HIVEP3: variants seen among roughly 807,000 people sequenced by gnomAD.
HIVEP3 encodes the protein transcription factor HIVEP3.
Under a neutral mutation model 152.8 loss-of-function variants are expected in HIVEP3, and 49 were observed. The observed-to-expected ratio is 0.32, with a 90% CI of 0.26 to 0.41. HIVEP3 has a LOEUF of 0.41. Among genes scored for constraint, HIVEP3 ranks in the 10% least tolerant of loss-of-function variants. The pLI, the probability that HIVEP3 is intolerant of heterozygous loss-of-function variation, is 1.00. For missense variants in HIVEP3, 2,790 were observed against 3,103.3 expected (o/e 0.90, Z 2.40); for synonymous variants, 1,269 against 1,289.0 (o/e 0.98, Z 0.33).
intron 1 of HIVEP3, among the ~76,000 whole-genome samples, chr1:42,016,715 G>A (rs1311578284): frequency 6.6e-6 from 1 of 152,028 alleles, no homozygotes. Flanking sequence ...AGTATCTCCT[G>A]GCCATATGAC....
intron 1 of HIVEP3, among the ~76,000 whole-genome samples, chr1:41,788,753 T>A (rs988033255): frequency 6.6e-6 from 1 of 152,188 alleles, no homozygotes; most frequent in Non-Finnish European, 1.5e-5. Flanking sequence ...GAATGCTTAA[T>A]GGAATAAGGA....
At chr1:41,730,017 C>T (rs1474097742) in intron 1 of HIVEP3, among the ~76,000 whole-genome samples, 4 of 152,204 alleles carry the variant, frequency 2.6e-5, no homozygotes, top group Admixed American at 6.5e-5. Flanking sequence ...GAAAGTGAGT[C>T]GGCCAAGGTC....
intron 2 of HIVEP3, among the ~76,000 whole-genome samples, chr1:41,633,670 C>T (rs1273201906): frequency 6.6e-6 from 1 of 152,156 alleles, no homozygotes; most frequent in Non-Finnish European, 1.5e-5. Context: ...CTCTGAATCC[C>T]TTGCCTGGCC....
chr1:41,943,994 G>A (rs1645061188), intron 1 of HIVEP3, among the ~76,000 whole-genome samples: 1 of 152,196 alleles, frequency 6.6e-6, no homozygotes, highest in African/African-American at 2.4e-5. Flanking sequence ...TAAAGACAGT[G>A]TGCTGAGTTA....
chr1:41,661,439 G>A (rs1237463426), intron 2 of HIVEP3, among the ~76,000 whole-genome samples: 1 of 152,224 alleles, frequency 6.6e-6, no homozygotes, highest in Admixed American at 6.5e-5. Flanking sequence ...TGGAGTAGAA[G>A]CCGCTCTGGA....
At chr1:41,897,360 G>A (rs914534920) in intron 1 of HIVEP3, among the ~76,000 whole-genome samples, 1 of 152,194 alleles carries the variant, frequency 6.6e-6, no homozygotes, top group African/African-American at 2.4e-5. Context: ...CCTAATACCA[G>A]TGTGATAGAA....
chr1:41,776,708 T>C (rs1192238418), intron 1 of HIVEP3, among the ~76,000 whole-genome samples: 1 of 152,236 alleles, frequency 6.6e-6, no homozygotes, highest in Non-Finnish European at 1.5e-5. Context: ...AGAAGGTGTT[T>C]CCCTCTCCAT....
Position 41,510,848 on chromosome 1 carries a change from G to A in HIVEP3, c.6824C>T (p.Pro2275Leu). 3.1e-6 allele frequency: 5 copies of A among 1,613,236 alleles called. No individual in the cohort carries two copies. Among genetic ancestry groups the A allele is most frequent in the Non-Finnish European group, 4.2e-6 (5 of 1,179,866 alleles). ...LSSELEGGDY[P>L]KERERTGGGP... The stretch of plus-strand genomic sequence containing the variant: ...TCCGCCGGTCCTCTCCCTCTCCTTG[G>A]GGTAGTCCCCGCCCTCCAGCTCTGA... The change falls in exon 9 of 9, where the codon CCC (proline) becomes CTC (leucine). Residue 2275 changes from proline to leucine, a missense_variant. Transcript: ENST00000372583.
chr1:41,926,750 A>C (rs1423463446), intron 1 of HIVEP3, among the ~76,000 whole-genome samples: 2 of 152,222 alleles, frequency 1.3e-5, no homozygotes, highest in Non-Finnish European at 2.9e-5. Context: ...AGGAATATTA[A>C]GAGAAATTTT....
intron 4 of HIVEP3, among the ~76,000 whole-genome samples, chr1:41,579,504 T>C (rs145548127): frequency 7.9e-5 from 12 of 152,360 alleles, no homozygotes; most frequent in African/African-American, 2.9e-4. Context: ...AGGATCACTT[T>C]ATGGCTAACT....
intron 1 of HIVEP3, among the ~76,000 whole-genome samples, chr1:41,916,536 T>G (rs1263847841): frequency 1.3e-5 from 2 of 152,128 alleles, no homozygotes; most frequent in Non-Finnish European, 2.9e-5. Flanking sequence ...CACCACCCTC[T>G]CCTCCTGCCT....
At position 41,587,897 on chromosome 1, in the gene HIVEP3, G is replaced by A. The variant is rs556422865; in HGVS notation, c.-521-2579C>T. 1.4e-4 allele frequency among the ~76,000 whole-genome samples: 22 copies of A among 152,270 alleles called. No homozygotes were observed. In the South Asian group the frequency reaches 4.4e-3, roughly 30 times the overall value. ...TGGCCCCTAGTCCTATGGAAGCACC[G>A]GCATGGCCCCAGGGGACATCGCTGT... On this transcript the variant is annotated intron_variant, in intron 3 of 8. Transcript: ENST00000372583.
At chr1:42,007,790 G>T (rs1645468417) in intron 1 of HIVEP3, among the ~76,000 whole-genome samples, 1 of 148,194 alleles carries the variant, frequency 6.7e-6, no homozygotes. Flanking sequence ...GTACTAAAAT[G>T]GTTATCGCAA....
intron 5 of HIVEP3, among the ~76,000 whole-genome samples, chr1:41,560,644 G>A (rs916972647): frequency 1.3e-5 from 2 of 152,156 alleles, no homozygotes; most frequent in Non-Finnish European, 2.9e-5. Context: ...ACTTCACCCC[G>A]TGGACTGCAA....
intron 1 of HIVEP3, among the ~76,000 whole-genome samples, chr1:41,910,565 C>T (rs1310777738): frequency 4.0e-5 from 6 of 151,868 alleles, no homozygotes; most frequent in Non-Finnish European, 7.4e-5. Flanking sequence ...GTGCAAATTA[C>T]AGTACAACAC....
At chr1:41,797,994 G>A (rs540294955) in intron 1 of HIVEP3, among the ~76,000 whole-genome samples, 14 of 151,754 alleles carry the variant, frequency 9.2e-5, no homozygotes, top group African/African-American at 1.2e-4. Context: ...AAACAAAAAC[G>A]AAAACAAAAA....
chr1:41,999,017 T>C (rs1329935934), intron 1 of HIVEP3, among the ~76,000 whole-genome samples: 3 of 145,846 alleles, frequency 2.1e-5, no homozygotes, highest in East Asian at 2.2e-4. Context: ...TGCCTCAGCC[T>C]CCCAAGAAGC....
rs556593653 is a variant in HIVEP3 at position 41,559,363 on chromosome 1, C to T, written c.5207+16181G>A. Reference sequence around the variant, plus strand: ...ATTTTTATCCTGAACCATCTGAGAGCAAGTTGCAACCCAACGTCCATTTCC... The same window carrying T: ...ATTTTTATCCTGAACCATCTGAGAGTAAGTTGCAACCCAACGTCCATTTCC... On this transcript the variant is annotated intron_variant, in intron 5 of 8. Transcript: ENST00000372583. Among the ~76,000 whole-genome samples the T allele has an allele frequency of 2.0e-5, 3 of 152,302 alleles. No homozygotes were observed. In the South Asian group the frequency reaches 6.2e-4, roughly 32 times the overall value.
chr1:41,697,948 C>G lies in HIVEP3; in HGVS notation c.-721+2968G>C, dbSNP rs1016094434. Among the ~76,000 whole-genome samples, 12 of 152,332 alleles carry G rather than the reference C, an allele frequency of 7.9e-5. No individual in the cohort carries two copies. In the South Asian group the frequency reaches 1.0e-3, roughly 13 times the overall value. ...TGGGGCCAGACTGTCTAGGCTCACC[C>G]TGGCTAAGCCACTTCACAGCCCTGT... On this transcript the variant is annotated intron_variant, in intron 2 of 8. Coordinates refer to ENST00000372583, the MANE Select transcript of HIVEP3 (RefSeq NM_024503.5).
Sources: gnomAD v4.1 joint callset for allele counts (sites outside exome capture counted in the v4.1 genomes callset) on GRCh38, gnomAD v4.1.1 for gene constraint, MANE v1.5 for transcripts, NCBI Gene and HGNC (gene_info 2026-07-23, HGNC 2026-07-21) for gene names.